Variants in QTGAL observed in about 807,000 individuals in gnomAD.
QTGAL encodes BGnT-like protein 1.
chr17:83,023,379 G>C, the QTGAL span, among the ~76,000 whole-genome samples: 1 of 151,028 alleles, frequency 6.6e-6, no homozygotes. Context: ...ACCTGCACCA[G>C]CATGAACTCA....
chr17:82,942,492 C>T, the QTGAL span: 1 of 1,613,874 alleles, frequency 6.2e-7, no homozygotes, highest in Non-Finnish European at 8.5e-7. Flanking sequence ...TACCTCACCC[C>T]TGCCTGGTGA....
chr17:82,964,031 G>GGGT, the QTGAL span, among the ~76,000 whole-genome samples: 1 of 100,300 alleles, frequency 1.0e-5, no homozygotes, highest in African/African-American at 2.8e-5. Context: ...CTGAGGTCGG[G>GGGT]GGGGTGGATT....
At chr17:82,996,844 T>A in the QTGAL span, among the ~76,000 whole-genome samples, 1 of 152,188 alleles carries the variant, frequency 6.6e-6, no homozygotes, top group African/African-American at 2.4e-5. Flanking sequence ...GATATCCATA[T>A]GCAAAAGAAT....
At chr17:83,000,270 CT>C in the QTGAL span, among the ~76,000 whole-genome samples, 125,886 of 152,140 alleles carry the variant, frequency 0.83, 52,587 homozygotes, top group African/African-American at 0.95. Context: ...CGAGAGATCA[CT>C]TTTTTACTGT....
chr17:82,971,603 A>G, the QTGAL span, among the ~76,000 whole-genome samples: 34,373 of 119,790 alleles, frequency 0.29, 3,861 homozygotes, highest in South Asian at 0.36. Flanking sequence ...AGGACCCGGT[A>G]CTGACCACAC....
chr17:83,024,605 A>G, the QTGAL span, among the ~76,000 whole-genome samples: 1 of 152,150 alleles, frequency 6.6e-6, no homozygotes, highest in East Asian at 1.9e-4. Context: ...CAGGGCCCCA[A>G]CCCCACCAGG....
chr17:82,983,827 T>C, the QTGAL span, among the ~76,000 whole-genome samples: 2 of 152,212 alleles, frequency 1.3e-5, no homozygotes, highest in African/African-American at 4.8e-5. Flanking sequence ...TAACTCCCAA[T>C]GTGACTGTAT....
the QTGAL span, among the ~76,000 whole-genome samples, chr17:83,003,226 T>C: frequency 2.7e-4 from 8 of 29,446 alleles, no homozygotes; most frequent in African/African-American, 5.6e-4. Flanking sequence ...TCCCACTCTC[T>C]GCAGTCCGCG....
chr17:82,953,546 C>G, the QTGAL span, among the ~76,000 whole-genome samples: 3 of 152,154 alleles, frequency 2.0e-5, no homozygotes, highest in African/African-American at 7.2e-5. Context: ...AAGAAAAGCT[C>G]AGGACCAGAT....
At chr17:82,960,330 G>A in the QTGAL span, 1 of 152,234 alleles carries the variant, frequency 6.6e-6, no homozygotes, top group African/African-American at 2.4e-5. Context: ...CCCTAGTTGG[G>A]GTCTTGAGAC....
At chr17:82,998,313 A>G in the QTGAL span, among the ~76,000 whole-genome samples, 3 of 152,342 alleles carry the variant, frequency 2.0e-5, no homozygotes, top group African/African-American at 4.8e-5. Flanking sequence ...AGGAAAATAG[A>G]TAAATTGAAT....
the QTGAL span, chr17:83,006,417 T>C: frequency 2.0e-6 from 2 of 985,188 alleles, no homozygotes; most frequent in African/African-American, 1.7e-5. The surrounding 1 kb of genome is among the most constrained non-coding windows in gnomAD (Gnocchi z 5.8). Flanking sequence ...TGAATTCACA[T>C]TGCAGCTGTA....
the QTGAL span, among the ~76,000 whole-genome samples, chr17:82,987,138 C>A: frequency 6.6e-6 from 1 of 152,306 alleles, no homozygotes; most frequent in East Asian, 1.9e-4. Flanking sequence ...TTTAAAAATT[C>A]TTTACCCCAT....
At chr17:82,983,666 C>T in the QTGAL span, among the ~76,000 whole-genome samples, 3 of 152,212 alleles carry the variant, frequency 2.0e-5, no homozygotes, top group Non-Finnish European at 2.9e-5. Flanking sequence ...CAGGAACAGT[C>T]GCACAGCAGA....
chr17:83,025,006 G>A, the QTGAL span, among the ~76,000 whole-genome samples: 1 of 152,240 alleles, frequency 6.6e-6, no homozygotes, highest in Non-Finnish European at 1.5e-5. Flanking sequence ...CCTAGTCAAA[G>A]GGCATGGAAG....
the QTGAL span, among the ~76,000 whole-genome samples, chr17:83,033,144 T>C: frequency 6.6e-6 from 1 of 152,238 alleles, no homozygotes; most frequent in Non-Finnish European, 1.5e-5. Context: ...AAGTAATTTT[T>C]AAATATCTAT....
At chr17:83,043,427 T>C in the QTGAL span, among the ~76,000 whole-genome samples, 1 of 152,230 alleles carries the variant, frequency 6.6e-6, no homozygotes, top group African/African-American at 2.4e-5. Flanking sequence ...GCAACCAATA[T>C]GTCAAAGAAG....
At chr17:82,986,819 C>T in the QTGAL span, among the ~76,000 whole-genome samples, 9 of 152,352 alleles carry the variant, frequency 5.9e-5, no homozygotes, top group Non-Finnish European at 1.0e-4. Flanking sequence ...ACAAGAAATC[C>T]GTAATGTTGG....
At chr17:83,005,723 C>A in the QTGAL span, 1 of 743,222 alleles carries the variant, frequency 1.3e-6, no homozygotes, top group African/African-American at 1.7e-5. The surrounding 1 kb of genome is among the most constrained non-coding windows in gnomAD (Gnocchi z 5.6). Flanking sequence ...GGCCGACAAC[C>A]CTCTCCCCGG....
Sources: allele counts gnomAD v4.1 joint callset (sites outside exome capture counted in the v4.1 genomes callset), GRCh38; gene constraint gnomAD v4.1.1; non-coding constraint Gnocchi (gnomAD v3.1); transcripts MANE v1.5; gene names NCBI Gene and HGNC (gene_info 2026-07-23, HGNC 2026-07-21).